Variants in ADCYAP1R1 observed in about 807,000 individuals in gnomAD.
ADCYAP1R1 encodes the protein pituitary adenylate cyclase-activating polypeptide type I receptor.
ADCYAP1R1 carries 44 observed loss-of-function variants against 67.6 expected under a neutral mutation model. That is an observed-to-expected ratio of 0.65 (90% confidence interval 0.51 to 0.84). The LOEUF (loss-of-function observed/expected upper bound fraction) is 0.84, where lower values mean the gene tolerates loss of function less well. Among genes scored for constraint, ADCYAP1R1 ranks in the 40% least tolerant of loss-of-function variants. The pLI, the probability that ADCYAP1R1 is intolerant of heterozygous loss-of-function variation, is 0.00. For missense variants in ADCYAP1R1, 477 were observed against 587.9 expected (o/e 0.81, Z 1.95); for synonymous variants, 222 against 219.6 (o/e 1.01, Z -0.10).
rs1342197038 is a variant in ADCYAP1R1 at position 31,084,168 on chromosome 7, C to G, written c.356C>G (p.Thr119Arg). The G allele has an allele frequency of 2.5e-6, 4 of 1,614,132 alleles. No homozygotes were observed. The highest frequency in any genetic ancestry group is 2.2e-5 in the South Asian group (2 of 91,072). The change falls in exon 7 of 16, where the codon ACG becomes AGG. Residue 119 changes from threonine (T) to arginine (R), a missense_variant. Coordinates refer to ENST00000304166, the MANE Select transcript of ADCYAP1R1 (RefSeq NM_001118.5). ...SDMGVVSRNCTEDGWSEPFPH... is the reference protein window; with the variant it reads ...SDMGVVSRNCREDGWSEPFPH... Reference sequence around the variant, plus strand: ...ATGGGAGTGGTGAGCCGGAACTGCACGGAGGATGGCTGGTCGGAACCCTTC... The same window carrying G: ...ATGGGAGTGGTGAGCCGGAACTGCAGGGAGGATGGCTGGTCGGAACCCTTC...
At chr7:31,092,980 G>A (rs963327701) in intron 13 of ADCYAP1R1, among the ~76,000 whole-genome samples, 2 of 152,150 alleles carry the variant, frequency 1.3e-5, no homozygotes, top group African/African-American at 4.8e-5. Context: ...GAGAGAGCCT[G>A]AGAGAGAGAC....
At chr7:31,064,326 A>G (rs1794638547) in intron 2 of ADCYAP1R1, among the ~76,000 whole-genome samples, 1 of 152,230 alleles carries the variant, frequency 6.6e-6, no homozygotes, top group Non-Finnish European at 1.5e-5. Context: ...TCTAAACTGC[A>G]GTAGTAGCCT....
intron 3 of ADCYAP1R1, among the ~76,000 whole-genome samples, chr7:31,073,912 C>A (rs1197294793): frequency 6.6e-6 from 1 of 152,116 alleles, no homozygotes; most frequent in Non-Finnish European, 1.5e-5. Flanking sequence ...GTCTTTAGGA[C>A]TCTAGAGGGG....
chr7:31,102,132 G>C lies in ADCYAP1R1; in HGVS notation c.1047-1105G>C, dbSNP rs1232845010. ...TCAACAGAACATTCTCTCCCAGAAAGGCTGAATGCGGGAGAGAGGGACACA... is the reference window on the plus strand; with the variant it reads ...TCAACAGAACATTCTCTCCCAGAAACGCTGAATGCGGGAGAGAGGGACACA... On this transcript the variant is annotated intron_variant, in intron 13 of 15. Coordinates refer to ENST00000304166, the MANE Select transcript of ADCYAP1R1 (RefSeq NM_001118.5). The surrounding 1 kb of genome is among the most constrained non-coding windows in gnomAD (Gnocchi z 4.3). Among the ~76,000 whole-genome samples, 3 of 152,242 alleles carry C rather than the reference G, an allele frequency of 2.0e-5. No individual in the cohort carries two copies. Among genetic ancestry groups the C allele is most frequent in the Non-Finnish European group, 4.4e-5 (3 of 68,044 alleles).
chr7:31,055,779 C>T (rs1794214131), intron 1 of ADCYAP1R1, among the ~76,000 whole-genome samples: 1 of 152,188 alleles, frequency 6.6e-6, no homozygotes, highest in South Asian at 2.1e-4. Context: ...CTGATAGCTG[C>T]AGATGCCTGA....
At chr7:31,100,601 G>T (rs1159282512) in intron 13 of ADCYAP1R1, among the ~76,000 whole-genome samples, 1 of 152,152 alleles carries the variant, frequency 6.6e-6, no homozygotes, top group Non-Finnish European at 1.5e-5. Flanking sequence ...ACAGGGCAGG[G>T]AACTTCACTC....
intron 13 of ADCYAP1R1, among the ~76,000 whole-genome samples, chr7:31,096,344 C>A (rs902230704): frequency 6.6e-6 from 1 of 152,108 alleles, no homozygotes; most frequent in African/African-American, 2.4e-5. Context: ...GGCAGAAGTG[C>A]GGCCAGGCAG....
At chr7:31,071,549 G>A (rs551732637) in intron 3 of ADCYAP1R1, among the ~76,000 whole-genome samples, 4 of 152,146 alleles carry the variant, frequency 2.6e-5, no homozygotes, top group Non-Finnish European at 4.4e-5. Context: ...GGCTGCACTC[G>A]GCCATCTCCT....
chr7:31,070,430 C>T (rs1485086346), intron 3 of ADCYAP1R1, among the ~76,000 whole-genome samples: 5 of 152,186 alleles, frequency 3.3e-5, no homozygotes, highest in African/African-American at 9.7e-5. Context: ...AAGGCCTGCT[C>T]ATTGCTATTC....
intron 15 of ADCYAP1R1, 111 bp downstream of exon 15, chr7:31,105,020 C>T: frequency 1.8e-6 from 2 of 1,129,684 alleles, no homozygotes; most frequent in Non-Finnish European, 2.7e-6. Flanking sequence ...GAGGGCTCTG[C>T]CAGGCTCCCA....
chr7:31,100,891 C>T (rs955237954), intron 13 of ADCYAP1R1, among the ~76,000 whole-genome samples: 1 of 152,164 alleles, frequency 6.6e-6, no homozygotes, highest in Non-Finnish European at 1.5e-5. Flanking sequence ...CTGGGCAGCC[C>T]ACTGTTATTT....
At position 31,105,841 on chromosome 7, in the gene ADCYAP1R1, G is replaced by A. The variant is rs999916990; in HGVS notation, c.1219-655G>A. 9.9e-5 allele frequency among the ~76,000 whole-genome samples: 15 copies of A among 152,222 alleles called. 1 individual carries two copies. The highest frequency in any genetic ancestry group is 6.5e-4 in the Admixed American group (10 of 15,286). On this transcript the variant is annotated intron_variant, in intron 15 of 15. Coordinates refer to ENST00000304166, the MANE Select transcript of ADCYAP1R1 (RefSeq NM_001118.5). Reference sequence around the variant, plus strand: ...GGAACTGGAGAGGGTGGGTGTAGGCGCTGCTTCCAGTTGTGCAGTCTGTGC... The same window carrying A: ...GGAACTGGAGAGGGTGGGTGTAGGCACTGCTTCCAGTTGTGCAGTCTGTGC...
rs112485779 is a variant in ADCYAP1R1, at chr7:31,066,301, G to A, written c.157+1365G>A. On this transcript the variant is annotated intron_variant, in intron 3 of 15. Transcript: ENST00000304166. ...GTCTCAGATACATTTGGGGTTGAGCGACAAAATCATCCAGGAGGGAAGAAT... is the reference window on the plus strand; with the variant it reads ...GTCTCAGATACATTTGGGGTTGAGCAACAAAATCATCCAGGAGGGAAGAAT... Among the ~76,000 whole-genome samples the A allele has an allele frequency of 5.9e-3, 894 of 152,302 alleles. 7 individuals carry two copies. Among genetic ancestry groups the A allele is most frequent in the Middle Eastern group, 0.02 (6 of 294 alleles).
rs1796666446 is a variant in ADCYAP1R1 at position 31,106,752 on chromosome 7, C to G, written c.*68C>G. The G allele has an allele frequency of 2.0e-6, 3 of 1,476,760 alleles. No homozygotes were observed. Among genetic ancestry groups the G allele is most frequent in the Non-Finnish European group, 2.7e-6 (3 of 1,109,724 alleles). 91.5% of individuals were successfully genotyped at this position (1,476,760 alleles called of 1,614,324 possible). ...GACCGCAGGCAGGTGCCAGCCCACG[C>G]ATGTTTGCGCCTCTTCCCTCCCCTT... On this transcript the variant is annotated 3_prime_UTR_variant, in exon 16 of 16. Coordinates refer to ENST00000304166, the MANE Select transcript of ADCYAP1R1 (RefSeq NM_001118.5).
intron 11 of ADCYAP1R1, among the ~76,000 whole-genome samples, chr7:31,087,311 T>C (rs1295277783): frequency 6.6e-6 from 1 of 152,200 alleles, no homozygotes; most frequent in Non-Finnish European, 1.5e-5. Context: ...GGAGGTCACA[T>C]CCTAAGAGCT....
chr7:31,100,116 G>C, intron 13 of ADCYAP1R1: 1 of 1,550,370 alleles, frequency 6.5e-7, no homozygotes, highest in Non-Finnish European at 8.7e-7. Flanking sequence ...TGCTAATCTT[G>C]TCACACCCAG....
chr7:31,079,564 A>G (rs1197042297), intron 4 of ADCYAP1R1, among the ~76,000 whole-genome samples: 4 of 152,204 alleles, frequency 2.6e-5, no homozygotes, highest in Admixed American at 2.6e-4. Context: ...GAGAGGCAAA[A>G]GGCAAATTTG....
intron 3 of ADCYAP1R1, among the ~76,000 whole-genome samples, chr7:31,065,175 C>G (rs1266856117): frequency 1.3e-5 from 2 of 152,188 alleles, no homozygotes; most frequent in Non-Finnish European, 2.9e-5. Flanking sequence ...TGGCTGCCTT[C>G]TCTCCCACAG....
chr7:31,081,657 C>T (rs112449345), intron 5 of ADCYAP1R1, 56 bp from the exon 6 acceptor site: 1 of 1,442,562 alleles, frequency 6.9e-7, no homozygotes, highest in East Asian at 2.4e-5. Flanking sequence ...GGAGAGTAAA[C>T]AGTAGCTAAC....
Sources: gnomAD v4.1 joint callset for allele counts (sites outside exome capture counted in the v4.1 genomes callset) on GRCh38, gnomAD v4.1.1 for gene constraint, Gnocchi (gnomAD v3.1) non-coding constraint, MANE v1.5 for transcripts, NCBI Gene and HGNC (gene_info 2026-07-23, HGNC 2026-07-21) for gene names.